Variants in PRX observed in about 807,000 individuals in gnomAD.
PRX encodes periaxin.
In PRX, 24 loss-of-function variants were observed where a neutral mutation model predicts 29.6. The observed-to-expected ratio is 0.81, with a 90% CI of 0.59 to 1.14. PRX has a LOEUF of 1.14. Among genes scored for constraint, PRX ranks in the 50% most tolerant of loss-of-function variants. The pLI is 0.00. For missense variants in PRX, 1,838 were observed against 1,926.4 expected (o/e 0.95, Z 0.86); for synonymous variants, 772 against 831.7 (o/e 0.93, Z 1.24).
At chr19:40,404,279 C>G (rs1435063208) in intron 4 of PRX, among the ~76,000 whole-genome samples, 1 of 152,084 alleles carries the variant, frequency 6.6e-6, no homozygotes, top group Non-Finnish European at 1.5e-5. Context: ...CTCCGAGGCC[C>G]TGGAGCGGCA....
rs1368058168 is a variant in PRX, at chr19:40,394,926, C to T, written c.3426G>A (p.Gly1142=). Residue 1142 remains glycine, a synonymous_variant, in exon 7 of 7, where the codon GGG becomes GGA. Transcript: ENST00000324001. This position sits in a 1 kb window ranked among gnomAD's most constrained non-coding sequence, Gnocchi z 5.8. The part of the protein sequence containing the change: ...GQVVTEGHDA[G]LRMPPLGISL... ...AGATGCCCAGCGGAGGCATCCTCAGCCCCGCGTCATGGCCCTCAGTGACCA... is the reference window on the plus strand; with the variant it reads ...AGATGCCCAGCGGAGGCATCCTCAGTCCCGCGTCATGGCCCTCAGTGACCA... 1.2e-6 allele frequency: 2 copies of T among 1,609,778 alleles called. No individual in the cohort carries two copies. The highest frequency in any genetic ancestry group is 2.2e-5 in the South Asian group (2 of 91,082).
rs1568710768 is a variant in PRX, at chr19:40,398,801, C to T, written c.200G>A (p.Ser67Asn). 1.9e-6 allele frequency: 3 copies of T among 1,614,092 alleles called. No individual in the cohort carries two copies. Among genetic ancestry groups the T allele is most frequent in the Admixed American group, 3.3e-5 (2 of 60,036 alleles). ...LSLQEGDQLL[S>N]ARVFFENFKY... ...GAAGTTCTCGAAGAACACTCGGGCA[C>T]TCAGCAGCTGGTCCCCTGCGGGCGA... The change falls in exon 6 of 7, where the codon AGT (serine) becomes AAT (asparagine). Residue 67 changes from serine (S) to asparagine (N), a missense_variant. Physicochemically the swap from Ser to Asn is conservative, Grantham distance 46. Around this residue, in one of 3 missense-constraint regions of PRX, gnomAD observed 666 missense variants for 665.0 expected, o/e 1.00. Transcript: ENST00000324001. This position sits in a 1 kb window ranked among gnomAD's most constrained non-coding sequence, Gnocchi z 6.3.
rs747043680 is a variant in PRX, at chr19:40,398,822, G to A, written c.185-6C>T. ...GGCACTCAGCAGCTGGTCCCCTGCG[G>A]GCGAGGTGGAGGTGCGCAGCACGTG... is the stretch of plus-strand genomic sequence containing the variant. On this transcript the variant is annotated splice_region_variant and splice_polypyrimidine_tract_variant and intron_variant, in intron 5 of 6. Coordinates refer to ENST00000324001, the MANE Select transcript of PRX (RefSeq NM_181882.3). The surrounding 1 kb of genome is among the most constrained non-coding windows in gnomAD (Gnocchi z 6.3). 16 of 1,613,950 alleles carry A rather than the reference G, an allele frequency of 9.9e-6. No homozygotes were observed. Among genetic ancestry groups the A allele is most frequent in the East Asian group, 8.9e-5 (4 of 44,872 alleles).
In PRX at chr19:40,394,808, C is replaced by T. The variant is rs747807514; in HGVS notation, c.3544G>A (p.Gly1182Ser). ...STVPSAEGTA[G>S]YRVQVPQVTL... Reference sequence around the variant, plus strand: ...ACCTGGGGCACCTGAACCCTGTAGCCTGCTGTGCCCTCTGCTGAAGGGACT... The same window carrying T: ...ACCTGGGGCACCTGAACCCTGTAGCTTGCTGTGCCCTCTGCTGAAGGGACT... The change falls in exon 7 of 7, where the codon GGC becomes AGC. Residue 1182 changes from glycine to serine, a missense_variant. Physicochemically the swap from Gly to Ser is moderately conservative, Grantham distance 56 (BLOSUM62 0). Transcript: ENST00000324001. This position sits in a 1 kb window ranked among gnomAD's most constrained non-coding sequence, Gnocchi z 5.8. 5 of 1,613,626 alleles carry T rather than the reference C, an allele frequency of 3.1e-6. No homozygotes were observed. In the South Asian group the frequency reaches 5.5e-5, roughly 18 times the overall value.
chr19:40,398,309 T>C lies in PRX; in HGVS notation c.381+311A>G. 7.0e-7 allele frequency: 1 copy of C among 1,420,752 alleles called. No homozygotes were observed. The highest frequency in any genetic ancestry group is 9.2e-7 in the Non-Finnish European group (1 of 1,091,300). The allele number at this position is 1,420,752 out of a possible 1,614,324, so 88.0% of individuals were successfully genotyped here. On this transcript the variant is annotated intron_variant, in intron 6 of 6. Transcript: ENST00000324001. The surrounding 1 kb of genome is among the most constrained non-coding windows in gnomAD (Gnocchi z 6.3). The stretch of plus-strand genomic sequence containing the variant: ...TTTGTCCAGGGCCACTCAGCAGTAA[T>C]TGGGCCAGCACTCAGGCTGGAATCT...
intron 5 of PRX, among the ~76,000 whole-genome samples, chr19:40,403,118 C>T (rs544878646): frequency 4.6e-5 from 7 of 152,124 alleles, no homozygotes; most frequent in Admixed American, 3.9e-4. Flanking sequence ...GGCAGTGAGC[C>T]GAGATCGTGC....
Position 40,397,633 on chromosome 19 carries a change from C to A in PRX, c.719G>T (p.Arg240Leu). The A allele has an allele frequency of 1.9e-6, 3 of 1,543,140 alleles. No individual in the cohort carries two copies. The highest frequency in any genetic ancestry group is 2.6e-6 in the Non-Finnish European group (3 of 1,149,862). The change falls in exon 7 of 7, where the codon CGG (arginine) becomes CTG (leucine). Residue 240 changes from arginine (R) to leucine (L), a missense_variant. This residue lies in a region of PRX where 666 missense variants were observed against 665.0 expected (regional missense o/e 1.00). Transcript: ENST00000324001. ...TAPQVELVGP[R>L]LPGAEVGVPQ... ...GACACCCACCTCCGCCCCTGGCAGCCGCGGCCCAACCAGCTCCACCTGAGG... is the reference window on the plus strand; with the variant it reads ...GACACCCACCTCCGCCCCTGGCAGCAGCGGCCCAACCAGCTCCACCTGAGG...
intron 5 of PRX, among the ~76,000 whole-genome samples, chr19:40,402,764 G>C (rs1405477989): frequency 1.1e-5 from 1 of 94,844 alleles, no homozygotes; most frequent in Admixed American, 1.1e-4. Flanking sequence ...AACAGAGCGA[G>C]ACTCCGTCTC....
chr19:40,404,944 T>C (rs1344874378), intron 4 of PRX, among the ~76,000 whole-genome samples: 1 of 151,924 alleles, frequency 6.6e-6, no homozygotes, highest in Non-Finnish European at 1.5e-5. Context: ...AACAAGAGAA[T>C]AGTTGAGGAT....
Position 40,408,402 on chromosome 19 carries a change from G to A in PRX, c.-242-19C>T. On this transcript the variant is annotated intron_variant, in intron 1 of 6. Coordinates refer to ENST00000324001, the MANE Select transcript of PRX (RefSeq NM_181882.3). Reference sequence around the variant, plus strand: ...CGGCGCTCTAAGAAGAATAATGTGAGCAGTGTTATTGGCTAACAGCCACCG... The same window carrying A: ...CGGCGCTCTAAGAAGAATAATGTGAACAGTGTTATTGGCTAACAGCCACCG... 3.8e-6 allele frequency: 1 copy of A among 263,090 alleles called. No individual in the cohort carries two copies. Among genetic ancestry groups the A allele is most frequent in the East Asian group, 9.0e-5 (1 of 11,168 alleles). The allele number at this position is 263,090 out of a possible 1,614,324, so 16.3% of individuals were successfully genotyped here.
rs1181492092 is a variant in PRX at position 40,403,177 on chromosome 19, CATAA to C, written c.184+525_184+528del. 2.6e-5 allele frequency among the ~76,000 whole-genome samples: 4 copies of C among 152,280 alleles called. No homozygotes were observed. The East Asian group carries it at 7.7e-4, about 29-fold the overall frequency. ...AAGAGAGAAACTCCGTATCAAAATA[CATAA>C]ATAAATAAAGTCTGAAATAGAAGGC... On this transcript the variant is annotated intron_variant, in intron 5 of 6. Coordinates refer to ENST00000324001, the MANE Select transcript of PRX (RefSeq NM_181882.3).
At chr19:40,403,682 G>C in intron 5 of PRX, 24 bp downstream of exon 5, 3 of 1,459,266 alleles carry the variant, frequency 2.1e-6, no homozygotes, top group South Asian at 1.3e-5. Context: ...GTTCGACCCC[G>C]CCCCACACCC....
At chr19:40,400,133 C>G (rs1332376946) in intron 5 of PRX, among the ~76,000 whole-genome samples, 2 of 151,328 alleles carry the variant, frequency 1.3e-5, no homozygotes, top group Non-Finnish European at 2.9e-5. Context: ...CAGGCATGCA[C>G]CACCACACCC....
rs1205438395 is a variant in PRX, at chr19:40,403,706, C to T, written c.184G>A (p.Gly62Arg). 1.3e-6 allele frequency: 2 copies of T among 1,552,124 alleles called. No individual in the cohort carries two copies. Among genetic ancestry groups the T allele is most frequent in the Non-Finnish European group, 1.7e-6 (2 of 1,148,262 alleles). The change falls in exon 5 of 7, where the codon GGG becomes AGG. Residue 62 changes from glycine (G) to arginine (R), a missense_variant and splice_region_variant. Physicochemically the swap from Gly to Arg is moderately radical, Grantham distance 125. This residue lies in a region of PRX where 666 missense variants were observed against 665.0 expected (regional missense o/e 1.00). Transcript: ENST00000324001. Reference sequence around the variant, plus strand: ...CGCCCCACACCCCGGGCCCGCCCACCTTCCTGCAGGCTGAGGCTCCTGGCG... The same window carrying T: ...CGCCCCACACCCCGGGCCCGCCCACTTTCCTGCAGGCTGAGGCTCCTGGCG... The part of the protein sequence containing the change: ...PAARSLSLQE[G>R]DQLLSARVFF...
At chr19:40,414,753 C>T (rs1035722807), upstream of PRX, among the ~76,000 whole-genome samples, 2 of 152,172 alleles carry the variant, frequency 1.3e-5, no homozygotes, top group Non-Finnish European at 2.9e-5. Flanking sequence ...GCCACTTGAA[C>T]CCACCCGGCT....
At position 40,395,696 on chromosome 19, in the gene PRX, C is replaced by T. The variant is rs779463585; in HGVS notation, c.2656G>A (p.Glu886Lys). 6 of 1,613,998 alleles carry T rather than the reference C, an allele frequency of 3.7e-6. No individual in the cohort carries two copies. The highest frequency in any genetic ancestry group is 3.3e-5 in the South Asian group (3 of 91,088). ...ACTTCCCTGACCCCTGCTGCCACCT[C>T]AGGGCCCTCCACCCGCTCTCCCTTG... is the stretch of plus-strand genomic sequence containing the variant. The part of the protein sequence containing the change: ...MGKGERVEGP[E>K]VAAGVREVGF... The change falls in exon 7 of 7, where the codon GAG becomes AAG. Residue 886 changes from glutamate (E) to lysine (K), a missense_variant. Physicochemically the swap from Glu to Lys is moderately conservative, Grantham distance 56. This residue lies in a region of PRX where 1,143 missense variants were observed against 1,193.0 expected (regional missense o/e 0.96). Transcript: ENST00000324001.
At chr19:40,410,089 C>T (rs2079551637) in intron 1 of PRX, among the ~76,000 whole-genome samples, 1 of 152,156 alleles carries the variant, frequency 6.6e-6, no homozygotes, top group Non-Finnish European at 1.5e-5. Context: ...AACCCCATTT[C>T]CTGAGAGGCC....
chr19:40,398,804 A>T lies in PRX; in HGVS notation c.197T>A (p.Leu66Gln). 6.2e-7 allele frequency: 1 copy of T among 1,614,034 alleles called. No homozygotes were observed. The highest frequency in any genetic ancestry group is 8.5e-7 in the Non-Finnish European group (1 of 1,179,936). The change falls in exon 6 of 7, where the codon CTG (leucine) becomes CAG (glutamine). Residue 66 changes from leucine to glutamine, a missense_variant. By Grantham distance (113) the Leu-to-Gln change is moderately radical (BLOSUM62 -2). This residue lies in a region of PRX where 666 missense variants were observed against 665.0 expected (regional missense o/e 1.00). Coordinates refer to ENST00000324001, the MANE Select transcript of PRX (RefSeq NM_181882.3). The surrounding 1 kb of genome is among the most constrained non-coding windows in gnomAD (Gnocchi z 6.3). ...GTTCTCGAAGAACACTCGGGCACTC[A>T]GCAGCTGGTCCCCTGCGGGCGAGGT... The part of the protein sequence containing the change: ...SLSLQEGDQL[L>Q]SARVFFENFK...
Position 40,397,458 on chromosome 19 carries a change from A to T in PRX, c.894T>A (p.Pro298=). 6.3e-7 allele frequency: 1 copy of T among 1,584,420 alleles called. No homozygotes were observed. Among genetic ancestry groups the T allele is most frequent in the Non-Finnish European group, 8.6e-7 (1 of 1,166,900 alleles). ...GCAGAGTGGGCAGTGAGGGCAAGGC[A>T]GGCAGCTCCACCTGGGGGACCTGGA... ...VGIQVPQVEL[P]ALPSLPTLPT... Residue 298 remains proline, a synonymous_variant, in exon 7 of 7, where the codon CCT becomes CCA. Coordinates refer to ENST00000324001, the MANE Select transcript of PRX (RefSeq NM_181882.3).
Sources: allele counts gnomAD v4.1 joint callset (sites outside exome capture counted in the v4.1 genomes callset), GRCh38; gene constraint gnomAD v4.1.1; regional missense constraint gnomAD v4.1.1; non-coding constraint Gnocchi (gnomAD v3.1); transcripts MANE v1.5; gene names NCBI Gene and HGNC (gene_info 2026-07-23, HGNC 2026-07-21).